The following ATM variants were observed in gnomAD, a reference collection of about 807,000 sequenced individuals.
ATM encodes the protein serine-protein kinase ATM.
A neutral mutation model predicts 387.0 loss-of-function variants in ATM; 308 were observed. The ratio of observed to expected loss-of-function variants is 0.80; its 90% CI spans 0.73 to 0.87. The LOEUF is 0.87. Among genes scored for constraint, ATM ranks in the 40% least tolerant of loss-of-function variants. The pLI, the probability that ATM is intolerant of heterozygous loss-of-function variation, is 0.00. For missense variants in ATM, 3,312 were observed against 3,560.9 expected (o/e 0.93, Z 1.78); for synonymous variants, 1,156 against 1,187.3 (o/e 0.97, Z 0.54).
rs2091228238 is a variant in ATM, at chr11:108,365,305, C to G, written c.8988-20C>G. 2 of 1,614,134 alleles carry G rather than the reference C, an allele frequency of 1.2e-6. No individual in the cohort carries two copies. The highest frequency in any genetic ancestry group is 1.7e-6 in the Non-Finnish European group (2 of 1,180,012). On this transcript the variant is annotated intron_variant, in intron 62 of 62. Transcript: ENST00000675843. ...TTTAAACTGTTCACCTCACTGAAAC[C>G]TTTGTGTTTTTGTCCTTAGTGATAT...
Position 108,354,914 on chromosome 11 carries a change from C to T in ATM, c.8850+40C>T, listed in dbSNP as rs1191829305. 5.9e-6 allele frequency: 9 copies of T among 1,524,630 alleles called. No individual in the cohort carries two copies. The African/African-American group carries it at 1.1e-4, about 19-fold the overall frequency. The allele number at this position is 1,524,630 out of a possible 1,614,324, so 94.4% of individuals were successfully genotyped here. ...AAGGAAGACTTTATTTTTTTTCTTA[C>T]CAGGTAGACTGTGTATCTCATCAGG... On this transcript the variant is annotated intron_variant, in intron 61 of 62. Coordinates refer to ENST00000675843, the MANE Select transcript of ATM (RefSeq NM_000051.4).
chr11:108,365,239 G>A (rs1217928560), intron 62 of ATM, 21 bp downstream of exon 62: 1 of 1,614,170 alleles, frequency 6.2e-7, no homozygotes, highest in Non-Finnish European at 8.5e-7. Context: ...TTTTAAGAAG[G>A]TCCTGTTGTC....
rs1252906835 is a variant in ATM, at chr11:108,326,079, C to G, written c.6829C>G (p.Gln2277Glu). ...NTQLPERAIF[Q>E]IKQYNSVSCG... ...TCAGCTCCCTGAAAGGGCAATATTT[C>G]AAATTAAACAGTACAATTCAGTTAG... The change falls in exon 47 of 63, where the codon CAA becomes GAA. Residue 2277 changes from glutamine to glutamate, a missense_variant. Transcript: ENST00000675843. 9 of 1,613,958 alleles carry G rather than the reference C, an allele frequency of 5.6e-6. No homozygotes were observed. In the Admixed American group the frequency reaches 1.3e-4, roughly 24 times the overall value.
intron 5 of ATM, among the ~76,000 whole-genome samples, chr11:108,241,460 GT>G (rs1384331559): frequency 6.6e-6 from 1 of 151,716 alleles, no homozygotes; most frequent in Admixed American, 6.6e-5. Flanking sequence ...AGTGCAGTGG[GT>G]TTTTTTTACA....
rs1555126346 is a variant in ATM, at chr11:108,333,987, T to C, written c.8010+19T>C. The C allele has an allele frequency of 5.1e-6, 8 of 1,569,928 alleles. No individual in the cohort carries two copies. The highest frequency in any genetic ancestry group is 7.0e-6 in the Non-Finnish European group (8 of 1,141,208). On this transcript the variant is annotated intron_variant, in intron 54 of 62. Coordinates refer to ENST00000675843, the MANE Select transcript of ATM (RefSeq NM_000051.4). ...AATTAAGGTAATTTGCAATTAACTC[T>C]TGATTTTTTTTAAACTAAATTTTTT...
At chr11:108,230,106 T>A (rs1255572533) in intron 4 of ATM, 1 of 152,172 alleles carries the variant, frequency 6.6e-6, no homozygotes, top group African/African-American at 2.4e-5. Context: ...TTTTCCATCT[T>A]TGAATAGCAT....
At chr11:108,354,457 C>T (rs965540218) in intron 60 of ATM, among the ~76,000 whole-genome samples, 3 of 152,192 alleles carry the variant, frequency 2.0e-5, no homozygotes, top group Admixed American at 2.0e-4. Context: ...TGTAGTTTTC[C>T]CAGCATAGGT....
chr11:108,240,962 C>T (rs914180201), intron 5 of ATM, among the ~76,000 whole-genome samples: 2 of 152,110 alleles, frequency 1.3e-5, no homozygotes, highest in Admixed American at 6.5e-5. Context: ...ATGCATTGTA[C>T]AGCTGTACAA....
rs770834907 is a variant in ATM, at chr11:108,227,841, T to C, written c.138T>C (p.His46=). 1.1e-5 allele frequency: 18 copies of C among 1,613,446 alleles called. No homozygotes were observed. The highest frequency in any genetic ancestry group is 1.5e-5 in the Non-Finnish European group (18 of 1,179,850). ...DPETIKHLDR[H]SDSKQGKYLN... ...AAACAATTAAACATCTAGATCGGCA[T>C]TCAGATTCCAAACAAGGAAAATATT... Residue 46 remains histidine, a synonymous_variant, in exon 3 of 63, where the codon CAT becomes CAC. Transcript: ENST00000675843.
chr11:108,337,788 A>G (rs372715797), intron 56 of ATM, among the ~76,000 whole-genome samples: 1 of 152,252 alleles, frequency 6.6e-6, no homozygotes, highest in African/African-American at 2.4e-5. Context: ...CTAAATACCA[A>G]ACTTTTAGAT....
intron 29 of ATM, chr11:108,290,057 C>T: frequency 5.4e-6 from 2 of 372,276 alleles, no homozygotes; most frequent in East Asian, 9.9e-5. Flanking sequence ...TGGGGTTTCA[C>T]CATATTGCCC....
rs2079687836 is a variant in ATM at position 108,243,840 on chromosome 11, G to T, written c.497-113G>T. Reference sequence around the variant, plus strand: ...ACTATGTTAAAAATAAATTAGTGCAGTTTTAAAATCCTTTTTCTGTATGGG... The same window carrying T: ...ACTATGTTAAAAATAAATTAGTGCATTTTTAAAATCCTTTTTCTGTATGGG... On this transcript the variant is annotated intron_variant, in intron 5 of 62. Coordinates refer to ENST00000675843, the MANE Select transcript of ATM (RefSeq NM_000051.4). 3 of 1,027,638 alleles carry T rather than the reference G, an allele frequency of 2.9e-6. No homozygotes were observed. In the African/African-American group the frequency reaches 4.9e-5, roughly 17 times the overall value. The allele number at this position is 1,027,638 out of a possible 1,614,324, so 63.7% of individuals were successfully genotyped here. A position where few individuals can be genotyped will look rare whatever the true frequency, so the allele number is the denominator to read the frequency against.
At chr11:108,254,110 TA>T in intron 13 of ATM, 71 bp downstream of exon 13, 2 of 1,463,494 alleles carry the variant, frequency 1.4e-6, no homozygotes, top group Non-Finnish European at 1.9e-6. Context: ...GAAGGAGAAA[TA>T]GGGGCAGGAA....
chr11:108,237,899 G>GTTTTT (rs369161623), intron 5 of ATM, among the ~76,000 whole-genome samples: 3 of 92,036 alleles, frequency 3.3e-5, no homozygotes, highest in African/African-American at 9.4e-5. Flanking sequence ...ATTTACTTAG[G>GTTTTT]TTTTTTTTTT....
chr11:108,296,600 A>G (rs934060433), intron 32 of ATM, among the ~76,000 whole-genome samples: 1 of 152,210 alleles, frequency 6.6e-6, no homozygotes, highest in Non-Finnish European at 1.5e-5. Flanking sequence ...ACTTTTTAAA[A>G]TGAATTTTAG....
At position 108,299,844 on chromosome 11, in the gene ATM, C is replaced by T. The variant is rs786203371; in HGVS notation, c.5136C>T (p.Phe1712=). Residue 1712 remains phenylalanine, a synonymous_variant, in exon 34 of 63, where the codon TTC becomes TTT. Transcript: ENST00000675843. The stretch of plus-strand genomic sequence containing the variant: ...AAGATAAAGAACTTCAGTGGACCTT[C>T]ATAATGCTGACCTACCTGAATAACA... The part of the protein sequence containing the change: ...LFEDKELQWT[F]IMLTYLNNTL... The T allele has an allele frequency of 6.2e-7, 1 of 1,613,768 alleles. No individual in the cohort carries two copies. The highest frequency in any genetic ancestry group is 1.3e-5 in the African/African-American group (1 of 74,882).
In ATM at chr11:108,366,045, A is replaced by G. The variant is rs910689990; in HGVS notation, c.*537A>G. The G allele has an allele frequency of 5.7e-6, 1 of 175,848 alleles. No homozygotes were observed. 10.9% of individuals were successfully genotyped at this position (175,848 alleles called of 1,614,324 possible). A position where few individuals can be genotyped will look rare whatever the true frequency, so the allele number is the denominator to read the frequency against. Reference sequence around the variant, plus strand: ...ACTCCATCTCAAAAAAAAAAAAAAAAAAACAGAAACGTATTTGGATTTTTC... The same window carrying G: ...ACTCCATCTCAAAAAAAAAAAAAAAGAAACAGAAACGTATTTGGATTTTTC... On this transcript the variant is annotated 3_prime_UTR_variant, in exon 63 of 63. Transcript: ENST00000675843.
At chr11:108,336,723 A>T (rs1320470769) in intron 56 of ATM, among the ~76,000 whole-genome samples, 1 of 152,228 alleles carries the variant, frequency 6.6e-6, no homozygotes, top group Non-Finnish European at 1.5e-5. Flanking sequence ...TGCATCTGTA[A>T]TCTGGTACAT....
rs200688912 is a variant in ATM, at chr11:108,297,399, C to A, written c.5005+17C>A. The A allele has an allele frequency of 6.3e-7, 1 of 1,578,610 alleles. No homozygotes were observed. Among genetic ancestry groups the A allele is most frequent in the Non-Finnish European group, 8.7e-7 (1 of 1,147,934 alleles). ...AAGTTCTAGGTAAACTACAGTCATG[C>A]GCTGCGTGACATTTCAGTCAACTGC... is the stretch of plus-strand genomic sequence containing the variant. On this transcript the variant is annotated intron_variant, in intron 33 of 62. Coordinates refer to ENST00000675843, the MANE Select transcript of ATM (RefSeq NM_000051.4).
Sources: allele counts gnomAD v4.1 joint callset (sites outside exome capture counted in the v4.1 genomes callset), GRCh38; gene constraint gnomAD v4.1.1; transcripts MANE v1.5; gene names NCBI Gene and HGNC (gene_info 2026-07-23, HGNC 2026-07-21).